TSHZ1: variants seen among roughly 807,000 people sequenced by gnomAD.
TSHZ1 encodes teashirt zinc finger homeobox 1.
A neutral mutation model predicts 67.1 loss-of-function variants in TSHZ1; 12 were observed. The ratio of observed to expected loss-of-function variants is 0.18; its 90% CI spans 0.11 to 0.29. TSHZ1 has a LOEUF of 0.29. TSHZ1 is among the 10% of genes least tolerant of loss of function. The probability of loss-of-function intolerance (pLI) is 1.00; values close to 1 mark genes in which losing one functional copy is unlikely to be tolerated. For synonymous variants in TSHZ1, 632 were observed against 622.4 expected (o/e 1.02, Z -0.23); for missense variants, 1,305 against 1,413.9 (o/e 0.92, Z 1.23).
chr18:75,211,613 G>A lies in TSHZ1; in HGVS notation c.-264G>A, dbSNP rs2022689828. The A allele has an allele frequency of 1.6e-5, 2 of 123,462 alleles. No individual in the cohort carries two copies. The highest frequency in any genetic ancestry group is 6.0e-5 in the African/African-American group (2 of 33,598). The allele number at this position is 123,462 out of a possible 1,614,324, so 7.6% of individuals were successfully genotyped here. On this transcript the variant is annotated 5_prime_UTR_variant, in exon 1 of 2. Coordinates refer to ENST00000580243, the MANE Select transcript of TSHZ1 (RefSeq NM_001308210.2). ...CGCCGGGGATGACTCCGGGCTCGGC[G>A]CCCAGGCCCCGCGCGCTCCGCCCGC...
chr18:75,227,294 A>G (rs949553264), intron 1 of TSHZ1, among the ~76,000 whole-genome samples: 2 of 151,726 alleles, frequency 1.3e-5, no homozygotes, highest in Admixed American at 6.6e-5. Context: ...GAAACCACCT[A>G]CTAAACCCGA....
intron 1 of TSHZ1, among the ~76,000 whole-genome samples, chr18:75,277,917 A>C (rs1459646346): frequency 6.6e-6 from 1 of 152,154 alleles, no homozygotes; most frequent in Non-Finnish European, 1.5e-5. Context: ...GGGGAAACCG[A>C]GGTCCCAAGG....
chr18:75,285,426 G>T, intron 1 of TSHZ1, 22 bp from the exon 2 acceptor site: 1 of 1,436,180 alleles, frequency 7.0e-7, no homozygotes, highest in East Asian at 2.5e-5. Flanking sequence ...TCTTCTAACT[G>T]GGTTTCATTT....
chr18:75,280,665 T>A lies in TSHZ1; in HGVS notation c.41-4783T>A, dbSNP rs142231425. The stretch of plus-strand genomic sequence containing the variant: ...TTCCCCAAGACTCTGTTTTCTTTCC[T>A]GTGGAAAAGGTGTTTCAGTGATAAC... On this transcript the variant is annotated intron_variant, in intron 1 of 1. Transcript: ENST00000580243. 3,305 of 839,944 alleles carry A rather than the reference T, an allele frequency of 3.9e-3. 28 individuals are homozygous for A. Among genetic ancestry groups the A allele is most frequent in the Middle Eastern group, 0.017 (28 of 1,672 alleles). 52.0% of individuals were successfully genotyped at this position (839,944 alleles called of 1,614,324 possible).
At position 75,287,476 on chromosome 18, in the gene TSHZ1, C is replaced by A; in HGVS notation, c.2069C>A (p.Pro690Gln). 1.2e-6 allele frequency: 2 copies of A among 1,614,196 alleles called. No homozygotes were observed. The highest frequency in any genetic ancestry group is 1.7e-6 in the Non-Finnish European group (2 of 1,180,044). Residue 690 changes from proline (P) to glutamine (Q), a missense_variant, in exon 2 of 2, where the codon CCA becomes CAA. Around this residue, in one of 3 missense-constraint regions of TSHZ1, gnomAD observed 909 missense variants for 961.8 expected, o/e 0.95. Coordinates refer to ENST00000580243, the MANE Select transcript of TSHZ1 (RefSeq NM_001308210.2). This position sits in a 1 kb window ranked among gnomAD's most constrained non-coding sequence, Gnocchi z 5.0. ...AAAACGGAGGAAGTCAGCGGCAAAC[C>A]ACAGAAGAAGGGCCCTGAGGCCGAG... Reference protein sequence around the residue: ...FPKTEEVSGKPQKKGPEAETG... With the variant: ...FPKTEEVSGKQQKKGPEAETG...
intron 1 of TSHZ1, among the ~76,000 whole-genome samples, chr18:75,249,717 G>C (rs1471661635): frequency 6.7e-6 from 1 of 148,570 alleles, no homozygotes; most frequent in Non-Finnish European, 1.5e-5. Context: ...GTAGGGGTGA[G>C]GGTATGACTT....
chr18:75,229,067 A>C (rs937628602), intron 1 of TSHZ1, among the ~76,000 whole-genome samples: 1 of 152,200 alleles, frequency 6.6e-6, no homozygotes, highest in Non-Finnish European at 1.5e-5. Flanking sequence ...TCTCAAAGTG[A>C]GTGAGGGGTT....
chr18:75,260,347 G>A (rs1279698702), intron 1 of TSHZ1, among the ~76,000 whole-genome samples: 3 of 152,316 alleles, frequency 2.0e-5, no homozygotes, highest in South Asian at 2.1e-4. Context: ...GCATTTTGTT[G>A]TGTATTAAAA....
intron 1 of TSHZ1, among the ~76,000 whole-genome samples, chr18:75,218,046 G>A (rs1398451479): frequency 6.6e-6 from 1 of 152,192 alleles, no homozygotes; most frequent in African/African-American, 2.4e-5. Flanking sequence ...TGTGTAAGAT[G>A]TGCACTATTG....
At chr18:75,226,094 C>CA (rs1440894913) in intron 1 of TSHZ1, among the ~76,000 whole-genome samples, 4 of 152,122 alleles carry the variant, frequency 2.6e-5, no homozygotes, top group Non-Finnish European at 1.5e-5. Context: ...ATTTTCAAGG[C>CA]AAAATCTTAC....
At chr18:75,238,940 T>C (rs968248269) in intron 1 of TSHZ1, among the ~76,000 whole-genome samples, 2 of 152,260 alleles carry the variant, frequency 1.3e-5, no homozygotes, top group Admixed American at 1.3e-4. Context: ...TCCTGATGGC[T>C]GGGTCCAGGA....
At chr18:75,275,124 C>T (rs562182242) in intron 1 of TSHZ1, among the ~76,000 whole-genome samples, 1 of 152,318 alleles carries the variant, frequency 6.6e-6, no homozygotes, top group Admixed American at 6.5e-5. Context: ...ATCCATGCCG[C>T]GACGGCCTAG....
At chr18:75,276,289 A>G (rs570442463) in intron 1 of TSHZ1, among the ~76,000 whole-genome samples, 342 of 16,856 alleles carry the variant, frequency 0.02, 2 homozygotes, top group African/African-American at 0.066. Context: ...AATTGTTTCT[A>G]TTGTTTTTTT....
chr18:75,279,286 A>G (rs1439552313), intron 1 of TSHZ1, among the ~76,000 whole-genome samples: 1 of 152,222 alleles, frequency 6.6e-6, no homozygotes, highest in African/African-American at 2.4e-5. Context: ...TTAAAAAAAT[A>G]GATATGATGA....
intron 1 of TSHZ1, among the ~76,000 whole-genome samples, chr18:75,255,692 A>G (rs1394614601): frequency 2.6e-5 from 4 of 152,224 alleles, no homozygotes; most frequent in Non-Finnish European, 1.5e-5. Flanking sequence ...ATTTCTAGGA[A>G]ATTACTTTTC....
intron 1 of TSHZ1, among the ~76,000 whole-genome samples, chr18:75,269,019 C>T (rs1237931031): frequency 3.3e-5 from 5 of 152,282 alleles, no homozygotes; most frequent in Non-Finnish European, 5.9e-5. Context: ...AGTGAGGCTT[C>T]ATGTTGACTG....
chr18:75,272,689 G>A (rs974575779), intron 1 of TSHZ1, among the ~76,000 whole-genome samples: 26 of 152,224 alleles, frequency 1.7e-4, no homozygotes, highest in Non-Finnish European at 3.8e-4. Context: ...CTTCTAGAGA[G>A]AATATCAGGT....
intron 1 of TSHZ1, chr18:75,283,199 C>G (rs936804137): frequency 4.6e-5 from 7 of 152,414 alleles, no homozygotes; most frequent in African/African-American, 1.7e-4. Flanking sequence ...CATCCTGCAG[C>G]CTTCAGAGTC....
At chr18:75,226,113 A>G (rs1166399635) in intron 1 of TSHZ1, among the ~76,000 whole-genome samples, 1 of 152,230 alleles carries the variant, frequency 6.6e-6, no homozygotes, top group African/African-American at 2.4e-5. Context: ...ACAAATATAA[A>G]CATTATATCA....
Sources: allele counts gnomAD v4.1 joint callset (sites outside exome capture counted in the v4.1 genomes callset), GRCh38; gene constraint gnomAD v4.1.1; regional missense constraint gnomAD v4.1.1; non-coding constraint Gnocchi (gnomAD v3.1); transcripts MANE v1.5; gene names NCBI Gene and HGNC (gene_info 2026-07-23, HGNC 2026-07-21).